Variants in INKA2 observed in about 807,000 individuals in gnomAD.
INKA2 encodes the protein inka box actin regulator 2, also known as PAK4-inhibitor INKA2.
A neutral mutation model predicts 9.8 loss-of-function variants in INKA2; 3 were observed. The observed-to-expected ratio is 0.31, with a 90% CI of 0.14 to 0.79. The LOEUF (loss-of-function observed/expected upper bound fraction) is 0.79. INKA2 is among the 30% of genes least tolerant of loss of function. INKA2 has a pLI of 0.62. For synonymous variants in INKA2, 147 were observed against 143.3 expected (o/e 1.03, Z -0.18); for missense variants, 392 against 384.4 (o/e 1.02, Z -0.17).
rs1344545291 is a variant in INKA2 at position 111,727,500 on chromosome 1, C to G, written c.362G>C (p.Arg121Thr). 3 of 1,614,204 alleles carry G rather than the reference C, an allele frequency of 1.9e-6. No homozygotes were observed. The highest frequency in any genetic ancestry group is 2.5e-6 in the Non-Finnish European group (3 of 1,180,044). The change falls in exon 2 of 2, where the codon AGG (arginine) becomes ACG (threonine). Residue 121 changes from arginine (R) to threonine (T), a missense_variant. Arg to Thr is a moderately conservative substitution (Grantham distance 71, BLOSUM62 -1). Transcript: ENST00000357260. Reference protein sequence around the residue: ...VCGRDLAPLPRTQPHQSCAQQ... With the variant: ...VCGRDLAPLPTTQPHQSCAQQ... ...AGCACAGCTTTGATGTGGCTGTGTC[C>G]TGGGCAAGGGGGCTAAATCCCTTCC...
chr1:111,744,566 C>T (rs1663219030), intron 1 of INKA2: 1 of 127,456 alleles, frequency 7.8e-6, no homozygotes, highest in African/African-American at 3.3e-5. Context: ...GAATTGCCAT[C>T]ACTCTTTTTT....
In INKA2 at chr1:111,722,746, C is replaced by T. The variant is rs1050825661; in HGVS notation, c.*4222G>A. ...CTATTGTCTTCTCTGACCCTTGCTA[C>T]AATCCTGTGAGATATTAAATCAATA... On this transcript the variant is annotated 3_prime_UTR_variant, in exon 2 of 2. Transcript: ENST00000357260. The T allele has an allele frequency of 4.7e-5, 13 of 273,856 alleles. No homozygotes were observed. The highest frequency in any genetic ancestry group is 4.6e-4 in the South Asian group (10 of 21,572). 17.0% of individuals were successfully genotyped at this position (273,856 alleles called of 1,614,324 possible).
Position 111,727,708 on chromosome 1 carries a change from G to C in INKA2, c.154C>G (p.Leu52Val). Residue 52 changes from leucine to valine, a missense_variant, in exon 2 of 2, where the codon CTG (leucine) becomes GTG (valine). Leu to Val is a conservative substitution (Grantham distance 32). Coordinates refer to ENST00000357260, the MANE Select transcript of INKA2 (RefSeq NM_019099.5). ...CCTCCAGAGATCTCCAGCTGTTCCAGTGCTGTCTGCACCTGGAGGAGCTTC... is the reference window on the plus strand; with the variant it reads ...CCTCCAGAGATCTCCAGCTGTTCCACTGCTGTCTGCACCTGGAGGAGCTTC... Reference protein sequence around the residue: ...ELKLLQVQTALEQLEISGGGP... With the variant: ...ELKLLQVQTAVEQLEISGGGP... 1 of 1,613,956 alleles carries C rather than the reference G, an allele frequency of 6.2e-7. No homozygotes were observed. The highest frequency in any genetic ancestry group is 8.5e-7 in the Non-Finnish European group (1 of 1,179,936).
intron 1 of INKA2, 149 bp downstream of exon 1, chr1:111,739,037 C>T (rs1334973151): frequency 1.4e-6 from 1 of 708,458 alleles, no homozygotes; most frequent in Non-Finnish European, 2.5e-6. Flanking sequence ...ACAAGCCCTG[C>T]CCTCTGCCTG....
In INKA2 at chr1:111,727,372, C is replaced by T. The variant is rs758489520; in HGVS notation, c.490G>A (p.Asp164Asn). The T allele has an allele frequency of 6.2e-7, 1 of 1,614,000 alleles. No homozygotes were observed. The highest frequency in any genetic ancestry group is 2.2e-5 in the East Asian group (1 of 44,884). Residue 164 changes from aspartate to asparagine, a missense_variant, in exon 2 of 2, where the codon GAC becomes AAC. Physicochemically the swap from Asp to Asn is conservative, Grantham distance 23 (BLOSUM62 1). Coordinates refer to ENST00000357260, the MANE Select transcript of INKA2 (RefSeq NM_019099.5). The stretch of plus-strand genomic sequence containing the variant: ...AAGTCTAGCCAATTGCCCACCAGGT[C>T]TGCAAAAACGTTGTCCCCTAACACC... ...PLVLGDNVFA[D>N]LVGNWLDLPE...
intron 1 of INKA2, among the ~76,000 whole-genome samples, chr1:111,730,279 C>G (rs1451929555): frequency 1.3e-5 from 2 of 152,204 alleles, no homozygotes; most frequent in African/African-American, 4.8e-5. Flanking sequence ...CCCTATTCTC[C>G]CACTTCCTCC....
chr1:111,751,186 T>C (rs149703357), intron 1 of INKA2, among the ~76,000 whole-genome samples: 1 of 152,356 alleles, frequency 6.6e-6, no homozygotes, highest in East Asian at 1.9e-4. Context: ...AATGATCTTG[T>C]ATGTGCAGTT....
chr1:111,746,298 G>A (rs1663272187), intron 1 of INKA2: 1 of 152,226 alleles, frequency 6.6e-6, no homozygotes, highest in African/African-American at 2.4e-5. Context: ...AGAGAAGAAA[G>A]GCAGCGAGGC....
chr1:111,746,587 T>A (rs1315644025), intron 1 of INKA2: 1 of 152,318 alleles, frequency 6.6e-6, no homozygotes, highest in East Asian at 1.9e-4. Context: ...ATTTGGGAGC[T>A]GAAAAGGACC....
At chr1:111,753,712 T>G (rs1159855225) in intron 1 of INKA2, 3 of 152,212 alleles carry the variant, frequency 2.0e-5, no homozygotes, top group African/African-American at 7.2e-5. Context: ...CATTCAATGT[T>G]TATTGGGTCT....
intron 1 of INKA2, chr1:111,744,592 G>A (rs1422792531): frequency 7.2e-6 from 1 of 139,012 alleles, no homozygotes; most frequent in Non-Finnish European, 1.6e-5. Context: ...TTTTGAGACA[G>A]AGTCCCGCTC....
At chr1:111,745,321 G>T (rs1663250410) in intron 1 of INKA2, 1 of 102,160 alleles carries the variant, frequency 9.8e-6, no homozygotes, top group Admixed American at 1.2e-4. Context: ...TTTTGAGACA[G>T]GGTCTCACTC....
upstream of INKA2, among the ~76,000 whole-genome samples, chr1:111,742,006 G>A (rs747907553): frequency 2.8e-4 from 42 of 151,584 alleles, no homozygotes; most frequent in Non-Finnish European, 2.1e-4. Context: ...ATGAGCCACC[G>A]TGCCTGGCCT....
intron 1 of INKA2, among the ~76,000 whole-genome samples, chr1:111,745,004 C>T (rs1171400350): frequency 6.6e-6 from 1 of 151,872 alleles, no homozygotes; most frequent in Non-Finnish European, 1.5e-5. Flanking sequence ...TTTGAGTAAA[C>T]TTCATGTATG....
chr1:111,739,207 G>C lies in INKA2; in HGVS notation c.36C>G (p.Leu12=), dbSNP rs143470908. 6.2e-7 allele frequency: 1 copy of C among 1,613,726 alleles called. No individual in the cohort carries two copies. Among genetic ancestry groups the C allele is most frequent in the South Asian group, 1.1e-5 (1 of 91,076 alleles). ...TTACCAGCTCCTGTTTGAGGCGACG[G>C]AGATAGCAGTCCATTTCCCTGCTCT... ...TMESREMDCY[L]RRLKQELMSM... Residue 12 remains leucine, a synonymous_variant, in exon 1 of 2, where the codon CTC becomes CTG. Coordinates refer to ENST00000357260, the MANE Select transcript of INKA2 (RefSeq NM_019099.5).
At position 111,747,391 on chromosome 1, in the gene INKA2, A is replaced by G. The variant is rs140388009; in HGVS notation, n.124+8310T>C. On this transcript the variant is annotated intron_variant and non_coding_transcript_variant, in intron 1 of 1. Coordinates refer to the INKA2 transcript ENST00000444059. ...CCCCGCCTGGTAACTGTAGGGAAAG[A>G]GCATGACTGGTGTGTTACAGCTACA... 2 of 152,272 alleles carry G rather than the reference A, an allele frequency of 1.3e-5. 1 individual carries two copies. The highest frequency in any genetic ancestry group is 4.8e-5 in the African/African-American group (2 of 41,456). 9.4% of individuals were successfully genotyped at this position (152,272 alleles called of 1,614,324 possible).
chr1:111,749,421 G>GGTGT lies in INKA2; in HGVS notation n.124+6276_124+6279dup, dbSNP rs58362318. Among the ~76,000 whole-genome samples, 608 of 150,092 alleles carry GGTGT rather than the reference G, an allele frequency of 4.1e-3. 7 individuals carry two copies. The highest frequency in any genetic ancestry group is 0.012 in the African/African-American group (485 of 40,578). ...GAGGTAACTATGCTGTGTGTGTTGG[G>GGTGT]GTGTGTGTGTGTGTGTGTGTGTGTG... On this transcript the variant is annotated intron_variant and non_coding_transcript_variant, in intron 1 of 1. Transcript: ENST00000444059.
At chr1:111,750,233 T>C (rs1269092351) in intron 1 of INKA2, among the ~76,000 whole-genome samples, 1 of 152,152 alleles carries the variant, frequency 6.6e-6, no homozygotes, top group African/African-American at 2.4e-5. Flanking sequence ...GCAATCCCCA[T>C]GGTGGGGGGT....
intron 1 of INKA2, among the ~76,000 whole-genome samples, chr1:111,729,854 C>T (rs1662867383): frequency 6.6e-6 from 1 of 152,246 alleles, no homozygotes; most frequent in Non-Finnish European, 1.5e-5. Flanking sequence ...GAGATTCCAG[C>T]CAGGCTCTCA....
Sources: gnomAD v4.1 joint callset for allele counts (sites outside exome capture counted in the v4.1 genomes callset) on GRCh38, gnomAD v4.1.1 for gene constraint, MANE v1.5 for transcripts, NCBI Gene and HGNC (gene_info 2026-07-23, HGNC 2026-07-21) for gene names.